The following SEMA4F variants were observed in gnomAD, a reference collection of about 807,000 sequenced individuals.
SEMA4F encodes the protein ssemaphorin 4F.
A neutral mutation model predicts 78.4 loss-of-function variants in SEMA4F; 51 were observed. The observed-to-expected ratio is 0.65, with a 90% CI of 0.52 to 0.82. SEMA4F has a LOEUF of 0.82. SEMA4F is among the 40% of genes least tolerant of loss of function. The pLI, the probability that SEMA4F is intolerant of heterozygous loss-of-function variation, is 0.00. For synonymous variants in SEMA4F, 418 were observed against 408.7 expected (o/e 1.02, Z -0.27); for missense variants, 938 against 1,014.4 (o/e 0.92, Z 1.02).
At chr2:74,668,618 T>G (rs1347814303) in intron 5 of SEMA4F, among the ~76,000 whole-genome samples, 3 of 151,798 alleles carry the variant, frequency 2.0e-5, no homozygotes, top group Non-Finnish European at 2.9e-5. Context: ...GTTGTGTTTT[T>G]TTTTTTTTTG....
At chr2:74,706,356 T>C in the SEMA4F span, among the ~76,000 whole-genome samples, 2 of 152,132 alleles carry the variant, frequency 1.3e-5, no homozygotes, top group Non-Finnish European at 2.9e-5. Flanking sequence ...CCACAGGAGC[T>C]TGCAGTATTA....
chr2:74,701,133 G>C, the SEMA4F span, among the ~76,000 whole-genome samples: 1 of 152,110 alleles, frequency 6.6e-6, no homozygotes, highest in Admixed American at 6.5e-5. Context: ...GGCTGTTGAG[G>C]TTACTGAGCT....
At chr2:74,687,962 C>T (rs1456171593), downstream of SEMA4F, among the ~76,000 whole-genome samples, 3 of 151,990 alleles carry the variant, frequency 2.0e-5, no homozygotes, top group Admixed American at 2.0e-4. Flanking sequence ...TCATAGTTGC[C>T]CTTAATAATA....
Position 74,675,299 on chromosome 2 carries a change from T to A in SEMA4F, c.1287T>A (p.Thr429=). ...CTGATGGCCACCCCCTGCTGGTCACTACAGATACAGCCTATCTCAGAGTCG... is the reference window on the plus strand; with the variant it reads ...CTGATGGCCACCCCCTGCTGGTCACAACAGATACAGCCTATCTCAGAGTCG... The part of the protein sequence containing the change: ...FPADGHPLLV[T]TDTAYLRVVA... Residue 429 remains threonine, a synonymous_variant, in exon 10 of 14, where the codon ACT becomes ACA. Coordinates refer to ENST00000357877, the MANE Select transcript of SEMA4F (RefSeq NM_004263.5). 6.2e-7 allele frequency: 1 copy of A among 1,614,186 alleles called. No individual in the cohort carries two copies.
In SEMA4F at chr2:74,679,939, T is replaced by A. The variant is rs1050153400; in HGVS notation, c.2043T>A (p.Gly681=). 2.0e-5 allele frequency: 32 copies of A among 1,614,038 alleles called. No individual in the cohort carries two copies. The highest frequency in any genetic ancestry group is 2.5e-5 in the Non-Finnish European group (30 of 1,180,038). The change falls in exon 14 of 14, where the codon GGT becomes GGA. Residue 681 remains glycine (G), a synonymous_variant. Transcript: ENST00000357877. ...LAASLTLILI[G]RRQQRRRQRE... ...CATCCCTGACTCTCATTCTGATTGG[T>A]CGGCGTCAGCAGCGACGGCGACAGA...
chr2:74,676,023 T>A (rs1242379834), intron 12 of SEMA4F, 114 bp downstream of exon 12: 1 of 1,093,510 alleles, frequency 9.1e-7, no homozygotes, highest in Non-Finnish European at 1.3e-6. Context: ...TCTTTTTCTG[T>A]CTGTTAGTGT....
the SEMA4F span, among the ~76,000 whole-genome samples, chr2:74,696,630 A>G: frequency 6.6e-6 from 1 of 152,198 alleles, no homozygotes; most frequent in Non-Finnish European, 1.5e-5. Flanking sequence ...TGCTCAGGTG[A>G]TGGGTGCACC....
rs1299060627 is a variant in SEMA4F at position 74,673,675 on chromosome 2, A to C, written c.671-2A>C. The C allele has an allele frequency of 6.2e-7, 1 of 1,613,662 alleles. No individual in the cohort carries two copies. On this transcript the variant is annotated splice_acceptor_variant, in intron 6 of 13. Coordinates refer to ENST00000357877, the MANE Select transcript of SEMA4F (RefSeq NM_004263.5). LOFTEE classifies it high-confidence loss of function. ...AGGATCTGAGGCCACTGGTATTCCC[A>C]GCCCCAGCCTTTGTCGCAGCCGTGG... is the stretch of plus-strand genomic sequence containing the variant.
At chr2:74,708,439 G>C in the SEMA4F span, among the ~76,000 whole-genome samples, 1 of 152,076 alleles carries the variant, frequency 6.6e-6, no homozygotes, top group African/African-American at 2.4e-5. Context: ...TGTCAGTGAA[G>C]GCCATGTGGG....
intron 4 of SEMA4F, 138 bp from the exon 5 acceptor site, chr2:74,662,594 G>A: frequency 1.4e-6 from 1 of 734,058 alleles, no homozygotes; most frequent in South Asian, 1.5e-5. Flanking sequence ...CTGGTAATAT[G>A]GGGATGATAG....
chr2:74,663,803 C>T (rs147140566), intron 5 of SEMA4F, among the ~76,000 whole-genome samples: 296 of 152,318 alleles, frequency 1.9e-3, no homozygotes, highest in African/African-American at 6.8e-3. Context: ...TTGGAGGTCA[C>T]ATATCAATGT....
chr2:74,698,560 A>C, the SEMA4F span, among the ~76,000 whole-genome samples: 1 of 152,092 alleles, frequency 6.6e-6, no homozygotes, highest in Non-Finnish European at 1.5e-5. Context: ...ATTTTACTCC[A>C]CCCAGATTCA....
rs1173078493 is a variant in SEMA4F, at chr2:74,666,185, C to T, written c.550+3360C>T. On this transcript the variant is annotated intron_variant, in intron 5 of 13. Transcript: ENST00000357877. ...CCTCTTAAAATGCTGGGATTACAGG[C>T]GTGAGCCACTGCACCTGGCCTCAAG... Among the ~76,000 whole-genome samples, 4 of 152,260 alleles carry T rather than the reference C, an allele frequency of 2.6e-5. No individual in the cohort carries two copies. The East Asian group carries it at 7.7e-4, about 29-fold the overall frequency.
chr2:74,656,953 C>A (rs145969261), intron 2 of SEMA4F, among the ~76,000 whole-genome samples: 11 of 152,098 alleles, frequency 7.2e-5, no homozygotes, highest in Non-Finnish European at 1.2e-4. Flanking sequence ...TGACAATGGG[C>A]AGAGGGATCA....
intron 5 of SEMA4F, among the ~76,000 whole-genome samples, chr2:74,665,228 C>CTTTT (rs11348861): frequency 2.3e-5 from 3 of 128,676 alleles, no homozygotes; most frequent in Admixed American, 7.9e-5. Context: ...CACTCTTTTT[C>CTTTT]TTTTTTTTTT....
At chr2:74,663,115 G>A (rs1684511060) in intron 5 of SEMA4F, among the ~76,000 whole-genome samples, 1 of 152,108 alleles carries the variant, frequency 6.6e-6, no homozygotes, top group Non-Finnish European at 1.5e-5. Context: ...CTGTTAATAA[G>A]TGGAATATAC....
chr2:74,675,455 T>C, intron 10 of SEMA4F, 70 bp from the exon 11 acceptor site: 1 of 1,590,678 alleles, frequency 6.3e-7, no homozygotes, highest in Middle Eastern at 1.7e-4. Context: ...GGTACTGTAA[T>C]ACATATAGGT....
Position 74,654,480 on chromosome 2 carries a change from G to T in SEMA4F, c.104G>T (p.Arg35Leu). Residue 35 changes from arginine (R) to leucine (L), a missense_variant, in exon 1 of 14, where the codon CGC (arginine) becomes CTC (leucine). Physicochemically the swap from Arg to Leu is moderately radical, Grantham distance 102. Coordinates refer to ENST00000357877, the MANE Select transcript of SEMA4F (RefSeq NM_004263.5). Reference protein sequence around the residue: ...LAVLSGPVSGRVPRSVPRTSL... With the variant: ...LAVLSGPVSGLVPRSVPRTSL... ...GTGCTGAGCGGCCCGGTATCCGGCCGCGTCCCCCGCTCGGTGCCCAGAACC... is the reference window on the plus strand; with the variant it reads ...GTGCTGAGCGGCCCGGTATCCGGCCTCGTCCCCCGCTCGGTGCCCAGAACC... 1 of 1,573,286 alleles carries T rather than the reference G, an allele frequency of 6.4e-7. No individual in the cohort carries two copies.
intron 10 of SEMA4F, 53 bp downstream of exon 10, chr2:74,675,437 A>G: frequency 1.3e-6 from 2 of 1,593,522 alleles, no homozygotes. Context: ...CATTCTCGTC[A>G]CAGAGAGGGT....
Sources: gnomAD v4.1 joint callset for allele counts (sites outside exome capture counted in the v4.1 genomes callset) on GRCh38, gnomAD v4.1.1 for gene constraint, MANE v1.5 for transcripts, NCBI Gene and HGNC (gene_info 2026-07-23, HGNC 2026-07-21) for gene names.